Variants in CACNA2D3 observed in about 807,000 individuals in gnomAD.
CACNA2D3 encodes the protein voltage-dependent calcium channel subunit alpha-2/delta-3.
CACNA2D3 carries 60 observed loss-of-function variants against 160.6 expected under a neutral mutation model. The observed-to-expected ratio is 0.37, with a 90% confidence interval of 0.30 to 0.46. The LOEUF (loss-of-function observed/expected upper bound fraction) is 0.46. Ranked by LOEUF, CACNA2D3 falls within the 20% of genes least tolerant of loss-of-function variation. The probability of loss-of-function intolerance (pLI) is 1.00; values close to 1 mark genes in which losing one functional copy is unlikely to be tolerated. For missense variants in CACNA2D3, 1,205 were observed against 1,365.0 expected (o/e 0.88, Z 1.85); for synonymous variants, 558 against 492.9 (o/e 1.13, Z -1.75).
At chr3:54,558,845 G>C (rs1345273308) in intron 5 of CACNA2D3, among the ~76,000 whole-genome samples, 2 of 152,166 alleles carry the variant, frequency 1.3e-5, no homozygotes, top group Non-Finnish European at 2.9e-5. Flanking sequence ...TCAGATCAGA[G>C]AGGCTTTGCC....
chr3:54,463,772 T>G (rs1272639894), intron 4 of CACNA2D3, among the ~76,000 whole-genome samples: 7 of 152,230 alleles, frequency 4.6e-5, no homozygotes, highest in South Asian at 2.1e-4. Context: ...CTCTGAACTC[T>G]TCAAAGTCAT....
chr3:54,286,137 C>A (rs6786823), intron 2 of CACNA2D3, among the ~76,000 whole-genome samples: 14,383 of 152,006 alleles, frequency 0.095, 887 homozygotes, highest in East Asian at 0.21. Context: ...CTCCGAGCTA[C>A]AGGAGGAAAT....
intron 31 of CACNA2D3, among the ~76,000 whole-genome samples, chr3:54,990,534 C>CA (rs776672926): frequency 4.0e-5 from 6 of 151,362 alleles, no homozygotes; most frequent in African/African-American, 7.3e-5. Context: ...CCATCTCAAA[C>CA]AAAAAAAAGA....
chr3:54,702,668 A>T (rs1700788364), intron 11 of CACNA2D3, among the ~76,000 whole-genome samples: 1 of 152,212 alleles, frequency 6.6e-6, no homozygotes, highest in Non-Finnish European at 1.5e-5. Flanking sequence ...CACTGTGGAA[A>T]GCAGTTGGAG....
At chr3:54,553,182 C>A (rs952264592) in intron 5 of CACNA2D3, among the ~76,000 whole-genome samples, 6 of 152,162 alleles carry the variant, frequency 3.9e-5, no homozygotes, top group African/African-American at 1.4e-4. Context: ...AAATGTTTGG[C>A]AAATAAACCT....
chr3:54,154,059 A>T (rs1040805557), intron 2 of CACNA2D3, among the ~76,000 whole-genome samples: 1 of 152,214 alleles, frequency 6.6e-6, no homozygotes, highest in Admixed American at 6.5e-5. Context: ...TTGTGTTGGC[A>T]TGATTGCTAG....
At chr3:54,401,652 A>C (rs1259435476) in intron 4 of CACNA2D3, among the ~76,000 whole-genome samples, 1 of 152,226 alleles carries the variant, frequency 6.6e-6, no homozygotes, top group African/African-American at 2.4e-5. Context: ...TACCCATTAA[A>C]GGTGTCCTTC....
At chr3:54,571,227 T>C (rs113230718) in intron 8 of CACNA2D3, among the ~76,000 whole-genome samples, 8,111 of 152,192 alleles carry the variant, frequency 0.053, 298 homozygotes, top group Non-Finnish European at 0.073. Context: ...CCCGAGTTCT[T>C]ATTTGTAGAG....
At chr3:54,284,343 G>A (rs1426179282) in intron 2 of CACNA2D3, among the ~76,000 whole-genome samples, 3 of 151,314 alleles carry the variant, frequency 2.0e-5, no homozygotes, top group Non-Finnish European at 2.9e-5. Context: ...TTGTACTGAT[G>A]TTAATCTTAT....
chr3:54,317,861 C>T (rs147722570), intron 2 of CACNA2D3, among the ~76,000 whole-genome samples: 108 of 152,238 alleles, frequency 7.1e-4, no homozygotes, highest in Non-Finnish European at 1.2e-3. Flanking sequence ...TTATAACACA[C>T]GCAGTTTCTC....
chr3:54,594,755 T>C (rs1008664904), intron 9 of CACNA2D3, among the ~76,000 whole-genome samples: 1 of 152,234 alleles, frequency 6.6e-6, no homozygotes, highest in South Asian at 2.1e-4. Context: ...ATACTTCTTA[T>C]TGGATTCTCA....
rs531682586 is a variant in CACNA2D3, at chr3:54,852,568, C to T, written c.1626+6101C>T. ...GTTCCAGGATGGCACTCGCCTTTCC[C>T]TGTGTCACTCTGGACTGTCCTTGCC... On this transcript the variant is annotated intron_variant, in intron 17 of 37. Coordinates refer to ENST00000474759, the MANE Select transcript of CACNA2D3 (RefSeq NM_018398.3). Among the ~76,000 whole-genome samples, 62 of 152,342 alleles carry T rather than the reference C, an allele frequency of 4.1e-4. 1 individual carries two copies. The South Asian group carries it at 0.011, about 28-fold the overall frequency.
chr3:54,241,368 C>T lies in CACNA2D3; in HGVS notation c.205-79074C>T, dbSNP rs148103795. Among the ~76,000 whole-genome samples, 413 of 152,196 alleles carry T rather than the reference C, an allele frequency of 2.7e-3. 1 individual carries two copies. Among genetic ancestry groups the T allele is most frequent in the African/African-American group, 4.7e-3 (194 of 41,520 alleles). On this transcript the variant is annotated intron_variant, in intron 2 of 37. Transcript: ENST00000474759. Reference sequence around the variant, plus strand: ...AGAGCAGTAGGTTCTATTAGTATCACGAGTACCTCTATTATAGAAGAGAAA... The same window carrying T: ...AGAGCAGTAGGTTCTATTAGTATCATGAGTACCTCTATTATAGAAGAGAAA...
chr3:55,055,457 G>A (rs1255762979), intron 35 of CACNA2D3, among the ~76,000 whole-genome samples: 1 of 152,024 alleles, frequency 6.6e-6, no homozygotes, highest in Non-Finnish European at 1.5e-5. Context: ...TAGCTTTGTT[G>A]TATAGTTTGA....
intron 3 of CACNA2D3, among the ~76,000 whole-genome samples, chr3:54,325,603 C>A (rs908870877): frequency 1.1e-4 from 16 of 152,148 alleles, no homozygotes; most frequent in African/African-American, 3.6e-4. Flanking sequence ...CAGACCTCCA[C>A]AAACTTTAAC....
At chr3:54,303,818 GTTTTT>G (rs71617795) in intron 2 of CACNA2D3, among the ~76,000 whole-genome samples, 2,249 of 114,978 alleles carry the variant, frequency 0.02, 62 homozygotes, top group African/African-American at 0.07. Context: ...CTTTTTTTCT[GTTTTT>G]TTTTTTTTTT....
intron 2 of CACNA2D3, among the ~76,000 whole-genome samples, chr3:54,137,890 G>A (rs937318994): frequency 1.3e-5 from 2 of 152,160 alleles, no homozygotes; most frequent in African/African-American, 2.4e-5. Context: ...AAATGTTACC[G>A]GGGTAAATTA....
At chr3:54,542,235 T>C (rs1244078481) in intron 5 of CACNA2D3, among the ~76,000 whole-genome samples, 1 of 152,028 alleles carries the variant, frequency 6.6e-6, no homozygotes, top group Non-Finnish European at 1.5e-5. Flanking sequence ...CTCATTTTTA[T>C]ATTTTTAGGA....
At chr3:54,723,682 C>G (rs772783701) in intron 11 of CACNA2D3, among the ~76,000 whole-genome samples, 2 of 152,210 alleles carry the variant, frequency 1.3e-5, no homozygotes, top group East Asian at 1.9e-4. Flanking sequence ...TGATGTCCCA[C>G]TCTGCTTCGG....
Sources: gnomAD v4.1 joint callset for allele counts (sites outside exome capture counted in the v4.1 genomes callset) on GRCh38, gnomAD v4.1.1 for gene constraint, MANE v1.5 for transcripts, NCBI Gene and HGNC (gene_info 2026-07-23, HGNC 2026-07-21) for gene names.